Variants in SMTN observed in about 807,000 individuals in gnomAD.
The protein encoded by SMTN is smoothelin.
A neutral mutation model predicts 102.0 loss-of-function variants in SMTN; 58 were observed. The observed-to-expected ratio is 0.57, with a 90% CI of 0.46 to 0.71. The LOEUF is 0.71. SMTN is among the 30% of genes least tolerant of loss of function. The pLI is 0.00. For synonymous variants in SMTN, 478 were observed against 497.9 expected (o/e 0.96, Z 0.53); for missense variants, 1,185 against 1,241.7 (o/e 0.95, Z 0.69).
intron 11 of SMTN, among the ~76,000 whole-genome samples, chr22:31,092,945 G>A (rs1401451795): frequency 6.6e-6 from 1 of 152,234 alleles, no homozygotes; most frequent in Non-Finnish European, 1.5e-5. Flanking sequence ...GCCTCCCTGT[G>A]CCTCCATTTC....
chr22:31,093,279 TG>T (rs1350965594), intron 11 of SMTN: 13 of 296,506 alleles, frequency 4.4e-5, no homozygotes, highest in Non-Finnish European at 2.6e-5. Context: ...GGTTTCTATT[TG>T]GGCTGCAGCT....
At chr22:31,094,599 C>T (rs920878604) in intron 11 of SMTN, among the ~76,000 whole-genome samples, 4 of 151,522 alleles carry the variant, frequency 2.6e-5, no homozygotes, top group African/African-American at 9.7e-5. Context: ...TCCCAGGCTG[C>T]ATCACACTTA....
At chr22:31,071,698 T>G (rs8137587) in intron 1 of SMTN, among the ~76,000 whole-genome samples, 7 of 89,450 alleles carry the variant, frequency 7.8e-5, no homozygotes, top group Non-Finnish European at 1.6e-4. Context: ...CTCTCTCTCT[T>G]TTTTTTTTTT....
intron 1 of SMTN, among the ~76,000 whole-genome samples, chr22:31,076,111 G>C (rs946998784): frequency 1.3e-5 from 2 of 152,210 alleles, no homozygotes; most frequent in Non-Finnish European, 1.5e-5. Flanking sequence ...GTTTGGGTTT[G>C]GGCCCCACCC....
At chr22:31,098,297 G>T (rs1357243362) in intron 16 of SMTN, among the ~76,000 whole-genome samples, 2 of 152,124 alleles carry the variant, frequency 1.3e-5, no homozygotes, top group Non-Finnish European at 2.9e-5. Context: ...GTTTAAAATG[G>T]CACACAGGAA....
intron 8 of SMTN, 30 bp from the exon 9 acceptor site, chr22:31,090,778 A>C: frequency 1.9e-6 from 3 of 1,553,456 alleles, no homozygotes; most frequent in Non-Finnish European, 2.7e-6. Flanking sequence ...CTTTCCCCAC[A>C]TGGCCATCAC....
At chr22:31,070,655 G>A (rs548053943) in intron 1 of SMTN, among the ~76,000 whole-genome samples, 9 of 152,228 alleles carry the variant, frequency 5.9e-5, no homozygotes, top group African/African-American at 1.7e-4. Context: ...CGGGCACGAT[G>A]GCTCATGCCT....
At chr22:31,094,420 T>C (rs953980485) in intron 11 of SMTN, among the ~76,000 whole-genome samples, 6 of 152,132 alleles carry the variant, frequency 3.9e-5, no homozygotes, top group African/African-American at 1.4e-4. Context: ...CCAGCCCTCT[T>C]GGCAAGGTAG....
intron 10 of SMTN, 63 bp downstream of exon 10, chr22:31,091,545 G>A: frequency 6.6e-7 from 1 of 1,512,040 alleles, no homozygotes; most frequent in Non-Finnish European, 8.9e-7. Flanking sequence ...TCTGCATGCA[G>A]GACAGGTGCT....
At chr22:31,071,368 C>T (rs1023781212) in intron 1 of SMTN, among the ~76,000 whole-genome samples, 1 of 150,614 alleles carries the variant, frequency 6.6e-6, no homozygotes, top group Non-Finnish European at 1.5e-5. Flanking sequence ...CATCATGGCT[C>T]ACACCTGTAA....
intron 18 of SMTN, 197 bp downstream of exon 18, chr22:31,099,376 T>C (rs2043890530): frequency 3.4e-6 from 2 of 596,952 alleles, no homozygotes; most frequent in Admixed American, 6.0e-5. Context: ...GAATCAGTGA[T>C]GAAGTAACAG....
At position 31,099,812 on chromosome 22, in the gene SMTN, A is replaced by G; in HGVS notation, c.2519A>G (p.Asn840Ser). The change falls in exon 19 of 21, where the codon AAC becomes AGC. Residue 840 changes from asparagine (N) to serine (S), a missense_variant. By Grantham distance (46) the Asn-to-Ser change is conservative. Transcript: ENST00000333137. Reference sequence around the variant, plus strand: ...ATGGCCTTCTGTGCCCTGGTGCACAACTTCTTCCCTGAGGCCTTCGACTAT... The same window carrying G: ...ATGGCCTTCTGTGCCCTGGTGCACAGCTTCTTCCCTGAGGCCTTCGACTAT... ...DGMAFCALVH[N>S]FFPEAFDYGQ... The G allele has an allele frequency of 6.2e-7, 1 of 1,614,074 alleles. No individual in the cohort carries two copies.
Position 31,098,750 on chromosome 22 carries a change from A to G in SMTN, c.2243A>G (p.Glu748Gly). The change falls in exon 17 of 21, where the codon GAG (glutamate) becomes GGG (glycine). Residue 748 changes from glutamate (E) to glycine (G), a missense_variant. By Grantham distance (98) the Glu-to-Gly change is moderately conservative. Transcript: ENST00000333137. Reference protein sequence around the residue: ...LEKRQAEKKKELMKAQSLPKT... With the variant: ...LEKRQAEKKKGLMKAQSLPKT... Reference sequence around the variant, plus strand: ...AAACGGCAGGCCGAGAAGAAGAAAGAGCTGATGAAGGCGCAGAGTCTGCCC... The same window carrying G: ...AAACGGCAGGCCGAGAAGAAGAAAGGGCTGATGAAGGCGCAGAGTCTGCCC... 1.9e-6 allele frequency: 3 copies of G among 1,613,330 alleles called. No individual in the cohort carries two copies. Among genetic ancestry groups the G allele is most frequent in the Non-Finnish European group, 2.5e-6 (3 of 1,179,878 alleles).
At chr22:31,099,555 T>G (rs115899290) in intron 18 of SMTN, 190 bp from the exon 19 acceptor site, 1 of 638,514 alleles carries the variant, frequency 1.6e-6, no homozygotes, top group African/African-American at 1.8e-5. Context: ...GCTCTGTCCC[T>G]TGAAATTGCA....
chr22:31,104,467 C>T lies in SMTN; in HGVS notation c.*172C>T, dbSNP rs751896728. ...GCGCCTGCGCGGCAAGAATGTCTAG[C>T]CTGCCCGCCCGCATGGCCAGCCAGT... On this transcript the variant is annotated 3_prime_UTR_variant, in exon 21 of 21. Transcript: ENST00000333137. 5.0e-6 allele frequency: 8 copies of T among 1,612,414 alleles called. No homozygotes were observed. The highest frequency in any genetic ancestry group is 1.7e-5 in the Admixed American group (1 of 60,032).
chr22:31,083,450 A>T, intron 2 of SMTN, 141 bp downstream of exon 2: 3 of 1,037,712 alleles, frequency 2.9e-6, no homozygotes, highest in Non-Finnish European at 4.1e-6. Context: ...GGGGTAGGCC[A>T]GTTCCATGTG....
rs2043612469 is a variant in SMTN at position 31,096,745 on chromosome 22, A to C, written c.1874A>C (p.Lys625Thr). The C allele has an allele frequency of 1.3e-6, 2 of 1,550,060 alleles. No individual in the cohort carries two copies. Among genetic ancestry groups the C allele is most frequent in the Non-Finnish European group, 1.7e-6 (2 of 1,152,956 alleles). ...LRQRKRDQRD[K>T]ERERRLQEAR... Reference sequence around the variant, plus strand: ...ATCCCCTGCCCAGACCAGCGGGACAAGGAGCGGGAACGGCGGCTGCAGGAG... The same window carrying C: ...ATCCCCTGCCCAGACCAGCGGGACACGGAGCGGGAACGGCGGCTGCAGGAG... The change falls in exon 14 of 21, where the codon AAG becomes ACG. Residue 625 changes from lysine to threonine, a missense_variant. By Grantham distance (78) the Lys-to-Thr change is moderately conservative. Transcript: ENST00000333137.
intron 14 of SMTN, 33 bp from the exon 15 acceptor site, chr22:31,096,965 C>T (rs11704852): frequency 8.1e-6 from 13 of 1,613,694 alleles, no homozygotes; most frequent in Admixed American, 1.7e-5. Context: ...CCCCCTGTGC[C>T]TTTCACATCC....
At chr22:31,089,084 TC>T in intron 6 of SMTN, 115 bp downstream of exon 6, 3 of 812,624 alleles carry the variant, frequency 3.7e-6, no homozygotes, top group Non-Finnish European at 5.9e-6. Context: ...ACCCCTGCCA[TC>T]CAGCCTCTAT....
Sources: gnomAD v4.1 joint callset for allele counts (sites outside exome capture counted in the v4.1 genomes callset) on GRCh38, gnomAD v4.1.1 for gene constraint, MANE v1.5 for transcripts, NCBI Gene and HGNC (gene_info 2026-07-23, HGNC 2026-07-21) for gene names.